ARB2A: variants seen among roughly 807,000 people sequenced by gnomAD.
ARB2A encodes the protein ARB2 cotranscriptional regulator A, also known as cotranscriptional regulator ARB2A.
chr5:94,036,397 G>A, the ARB2A span, among the ~76,000 whole-genome samples: 2 of 151,926 alleles, frequency 1.3e-5, no homozygotes, highest in Non-Finnish European at 2.9e-5. Context: ...ACAAATATAT[G>A]TATTTATTTC....
chr5:94,007,327 A>G, the ARB2A span, among the ~76,000 whole-genome samples: 4 of 152,206 alleles, frequency 2.6e-5, no homozygotes, highest in Admixed American at 2.0e-4. Flanking sequence ...GTTGCAATAA[A>G]AAATTTAACA....
At chr5:94,099,842 T>C in the ARB2A span, among the ~76,000 whole-genome samples, 2 of 152,038 alleles carry the variant, frequency 1.3e-5, no homozygotes, top group Non-Finnish European at 2.9e-5. Context: ...TTACATGGAA[T>C]GGGCAAAAGC....
chr5:93,805,556 C>A, the ARB2A span: 1 of 985,142 alleles, frequency 1.0e-6, no homozygotes, highest in African/African-American at 1.7e-5. Context: ...AGGCATCATA[C>A]AGCATCCTTC....
chr5:93,899,323 T>G, the ARB2A span, among the ~76,000 whole-genome samples: 1 of 152,140 alleles, frequency 6.6e-6, no homozygotes, highest in Admixed American at 6.6e-5. Context: ...ATGATGTGTT[T>G]CAGGTGGTCT....
the ARB2A span, among the ~76,000 whole-genome samples, chr5:93,864,313 G>A: frequency 1.3e-4 from 20 of 152,218 alleles, no homozygotes; most frequent in South Asian, 2.9e-3. Context: ...TGGTGGAGGA[G>A]GTGAAAGCAA....
the ARB2A span, among the ~76,000 whole-genome samples, chr5:93,623,286 T>C: frequency 6.6e-6 from 1 of 151,792 alleles, no homozygotes; most frequent in Non-Finnish European, 1.5e-5. Flanking sequence ...TAATTGTCTC[T>C]TTTCGTAACC....
the ARB2A span, among the ~76,000 whole-genome samples, chr5:93,720,758 GA>G: frequency 6.6e-6 from 1 of 152,146 alleles, no homozygotes; most frequent in East Asian, 1.9e-4. Flanking sequence ...ATATACCCAT[GA>G]GACTTTATTT....
the ARB2A span, among the ~76,000 whole-genome samples, chr5:93,984,809 A>C: frequency 6.6e-6 from 1 of 152,232 alleles, no homozygotes; most frequent in Non-Finnish European, 1.5e-5. Flanking sequence ...GAATGAAAAA[A>C]ATTTAATTAG....
the ARB2A span, among the ~76,000 whole-genome samples, chr5:93,981,829 C>T: frequency 1.3e-5 from 2 of 152,108 alleles, no homozygotes; most frequent in African/African-American, 4.8e-5. Context: ...TAACTCATGT[C>T]ACAATAAGCA....
At chr5:94,014,227 T>G in the ARB2A span, among the ~76,000 whole-genome samples, 3 of 152,206 alleles carry the variant, frequency 2.0e-5, no homozygotes, top group Non-Finnish European at 4.4e-5. Flanking sequence ...ACAGGTCACC[T>G]GGGCACAAAC....
At chr5:93,741,261 C>T in the ARB2A span, 4 of 1,613,856 alleles carry the variant, frequency 2.5e-6, no homozygotes, top group South Asian at 1.1e-5. Context: ...TGTAGGGCCC[C>T]GGGAGGGCGC....
At chr5:94,054,967 T>C in the ARB2A span, among the ~76,000 whole-genome samples, 1 of 152,192 alleles carries the variant, frequency 6.6e-6, no homozygotes, top group Non-Finnish European at 1.5e-5. Context: ...CTTTTTGCTT[T>C]TCATGCACTT....
At chr5:93,637,354 G>GTTTTTTTTTTTTTTTT in the ARB2A span, among the ~76,000 whole-genome samples, 3 of 116,110 alleles carry the variant, frequency 2.6e-5, no homozygotes, top group Admixed American at 9.9e-5. Context: ...GGGTTGTTTA[G>GTTTTTTTTTTTTTTTT]TTTTTTTTTT....
At chr5:93,761,934 C>A in the ARB2A span, among the ~76,000 whole-genome samples, 2 of 152,124 alleles carry the variant, frequency 1.3e-5, no homozygotes, top group South Asian at 4.1e-4. Flanking sequence ...CTGCTGATAC[C>A]CAGGCAGGGT....
At chr5:94,026,404 G>A in the ARB2A span, among the ~76,000 whole-genome samples, 6 of 152,086 alleles carry the variant, frequency 3.9e-5, no homozygotes, top group East Asian at 7.8e-4. Flanking sequence ...ATTGAAGGGC[G>A]ATGAGGGCAA....
the ARB2A span, among the ~76,000 whole-genome samples, chr5:93,841,921 T>C: frequency 2.6e-5 from 4 of 152,220 alleles, no homozygotes; most frequent in African/African-American, 9.6e-5. Flanking sequence ...GAAAGTTCAA[T>C]GTGTCGTTTT....
At chr5:94,040,865 T>A in the ARB2A span, among the ~76,000 whole-genome samples, 1 of 152,130 alleles carries the variant, frequency 6.6e-6, no homozygotes, top group Admixed American at 6.6e-5. Context: ...AGTTTGATAT[T>A]GGGTGCTAAG....
At chr5:93,873,268 C>T in the ARB2A span, among the ~76,000 whole-genome samples, 10 of 135,446 alleles carry the variant, frequency 7.4e-5, no homozygotes, top group East Asian at 2.3e-4. Flanking sequence ...TTCTAGCCTG[C>T]GTGACAGAGT....
At chr5:93,772,901 C>T in the ARB2A span, among the ~76,000 whole-genome samples, 2 of 152,222 alleles carry the variant, frequency 1.3e-5, no homozygotes, top group Admixed American at 1.3e-4. Flanking sequence ...TTACCACGTT[C>T]CCCATTATCC....
Sources: gnomAD v4.1 joint callset for allele counts (sites outside exome capture counted in the v4.1 genomes callset) on GRCh38, gnomAD v4.1.1 for gene constraint, MANE v1.5 for transcripts, NCBI Gene and HGNC (gene_info 2026-07-23, HGNC 2026-07-21) for gene names.